Variants in GFRA1 observed in about 807,000 individuals in gnomAD.
GFRA1 encodes the protein GDNF family receptor alpha-1.
Under a neutral mutation model 51.6 loss-of-function variants are expected in GFRA1, and 16 were observed. The ratio of observed to expected loss-of-function variants is 0.31; its 90% confidence interval spans 0.21 to 0.47. The LOEUF is 0.47. Ranked by LOEUF, GFRA1 falls within the 20% of genes least tolerant of loss-of-function variation. The probability of loss-of-function intolerance (pLI) is 1.00; values close to 1 mark genes in which losing one functional copy is unlikely to be tolerated. For synonymous variants in GFRA1, 270 were observed against 241.3 expected (o/e 1.12, Z -1.10); for missense variants, 530 against 594.3 (o/e 0.89, Z 1.13).
intron 2 of GFRA1, 120 bp from the exon 3 acceptor site, chr10:116,271,235 T>C (rs998367770): frequency 4.0e-6 from 3 of 752,246 alleles, no homozygotes; most frequent in Non-Finnish European, 6.3e-6. Flanking sequence ...GGCGCCCTGC[T>C]CTGGGAGCGG....
chr10:116,252,205 A>G (rs925343438), intron 4 of GFRA1, among the ~76,000 whole-genome samples: 1 of 151,964 alleles, frequency 6.6e-6, no homozygotes, highest in Non-Finnish European at 1.5e-5. Context: ...GGAACTCACA[A>G]GTACTCACCT....
At chr10:116,164,585 A>G (rs763972348) in intron 5 of GFRA1, among the ~76,000 whole-genome samples, 10 of 152,196 alleles carry the variant, frequency 6.6e-5, no homozygotes, top group Non-Finnish European at 1.3e-4. Context: ...GAACGTGGGC[A>G]TTTATTTTCG....
intron 9 of GFRA1, among the ~76,000 whole-genome samples, chr10:116,067,626 A>T (rs1312781313): frequency 6.6e-6 from 1 of 152,228 alleles, no homozygotes; most frequent in Non-Finnish European, 1.5e-5. Flanking sequence ...GCTATACTGC[A>T]GGAGTATAAT....
At chr10:116,229,656 T>G (rs1045889115) in intron 4 of GFRA1, among the ~76,000 whole-genome samples, 1 of 152,180 alleles carries the variant, frequency 6.6e-6, no homozygotes, top group Non-Finnish European at 1.5e-5. Context: ...AGGAGGTGGC[T>G]CCCCTGCTAG....
chr10:116,121,525 G>A (rs1012612694), intron 6 of GFRA1, among the ~76,000 whole-genome samples: 2 of 152,186 alleles, frequency 1.3e-5, no homozygotes, highest in African/African-American at 4.8e-5. Context: ...GGCATGAGGC[G>A]GAAGAGAGAC....
intron 4 of GFRA1, among the ~76,000 whole-genome samples, chr10:116,263,515 T>C (rs954532627): frequency 2.0e-5 from 3 of 152,156 alleles, no homozygotes; most frequent in Admixed American, 6.5e-5. Context: ...CCAGAGCATA[T>C]GTTCTTTCTC....
chr10:116,062,028 A>G lies in GFRA1; in HGVS notation c.*2370T>C, dbSNP rs1200469562. On this transcript the variant is annotated 3_prime_UTR_variant, in exon 11 of 11. Transcript: ENST00000355422. The stretch of plus-strand genomic sequence containing the variant: ...TTTTATCACTGAAGAAAAATGAGAT[A>G]TTTGTTGGTGACAGATGAGGCTTTT... The G allele has an allele frequency of 1.0e-5, 4 of 398,484 alleles. No individual in the cohort carries two copies. The highest frequency in any genetic ancestry group is 4.4e-5 in the Admixed American group (1 of 22,716). The allele number at this position is 398,484 out of a possible 1,614,324, so 24.7% of individuals were successfully genotyped here. A position where few individuals can be genotyped will look rare whatever the true frequency, so the allele number is the denominator to read the frequency against.
At chr10:116,141,414 T>C (rs912316425) in intron 5 of GFRA1, among the ~76,000 whole-genome samples, 1 of 152,212 alleles carries the variant, frequency 6.6e-6, no homozygotes, top group Non-Finnish European at 1.5e-5. Flanking sequence ...AGGTCTTAGT[T>C]GCGAGCTTTG....
In GFRA1 at chr10:116,064,563, T is replaced by G; in HGVS notation, c.1252-19A>C. On this transcript the variant is annotated intron_variant, in intron 10 of 10. Transcript: ENST00000355422. ...AATTACCCTGTAAGGAAGAATGGTT[T>G]CATTATCATCCACTGCATGTCTTCA... 1 of 1,605,520 alleles carries G rather than the reference T, an allele frequency of 6.2e-7. No individual in the cohort carries two copies. The highest frequency in any genetic ancestry group is 8.5e-7 in the Non-Finnish European group (1 of 1,172,624).
intron 4 of GFRA1, among the ~76,000 whole-genome samples, chr10:116,231,918 A>G (rs1337011365): frequency 6.6e-6 from 1 of 152,226 alleles, no homozygotes; most frequent in Non-Finnish European, 1.5e-5. Flanking sequence ...ATTGCAGAAG[A>G]ATCTCCTTAA....
intron 5 of GFRA1, among the ~76,000 whole-genome samples, chr10:116,126,355 AGTGCTGTCCACACTGCCTGCTCT>A (rs1404652780): frequency 2.4e-4 from 37 of 152,356 alleles, no homozygotes; most frequent in African/African-American, 8.4e-4. Flanking sequence ...CAGGGAAGCC[AGTGCTGTCCACACTGCCTGCTCT>A]GTGCTGTCCA....
chr10:116,155,622 G>C lies in GFRA1; in HGVS notation c.434-30065C>G, dbSNP rs145612469. On this transcript the variant is annotated intron_variant, in intron 5 of 10. Coordinates refer to ENST00000355422, the MANE Select transcript of GFRA1 (RefSeq NM_005264.8). ...GAGCACATTTTATCCTTAAAGCATG[G>C]TCAGGTTCAGCAAAATATGGTAACA... 1.0e-3 allele frequency among the ~76,000 whole-genome samples: 158 copies of C among 152,124 alleles called. 2 individuals are homozygous for C. Among genetic ancestry groups the C allele is most frequent in the East Asian group, 4.8e-3 (25 of 5,174 alleles).
At chr10:116,084,789 C>T (rs1298995956) in intron 9 of GFRA1, among the ~76,000 whole-genome samples, 1 of 151,628 alleles carries the variant, frequency 6.6e-6, no homozygotes, top group South Asian at 2.1e-4. Context: ...CACACACACA[C>T]ACACACACAC....
intron 9 of GFRA1, among the ~76,000 whole-genome samples, chr10:116,080,518 G>T (rs570597176): frequency 3.3e-5 from 5 of 152,280 alleles, no homozygotes; most frequent in African/African-American, 1.2e-4. Flanking sequence ...AAAAATAAAA[G>T]AAGTTTCACG....
chr10:116,222,987 A>T (rs1966029965), intron 4 of GFRA1, among the ~76,000 whole-genome samples: 1 of 152,248 alleles, frequency 6.6e-6, no homozygotes, highest in Admixed American at 6.5e-5. Context: ...TATTTAAATT[A>T]ACTCTATACA....
At chr10:116,095,596 C>T (rs1179654641) in intron 7 of GFRA1, among the ~76,000 whole-genome samples, 1 of 152,182 alleles carries the variant, frequency 6.6e-6, no homozygotes, top group Non-Finnish European at 1.5e-5. Flanking sequence ...TTACCCACAG[C>T]AGGGCAGGTA....
Position 116,227,171 on chromosome 10 carries a change from A to C in GFRA1, c.419-15526T>G, listed in dbSNP as rs80339289. 7.3e-3 allele frequency among the ~76,000 whole-genome samples: 1,114 copies of C among 152,308 alleles called. 9 individuals are homozygous for C. Among genetic ancestry groups the C allele is most frequent in the African/African-American group, 0.025 (1,052 of 41,558 alleles). ...CTGGCCCAGCTGGAACTTTATAAAGAATCCACAGGTATGTCTGTACCCAAA... is the reference window on the plus strand; with the variant it reads ...CTGGCCCAGCTGGAACTTTATAAAGCATCCACAGGTATGTCTGTACCCAAA... On this transcript the variant is annotated intron_variant, in intron 4 of 10. Transcript: ENST00000355422.
At position 116,059,475 on chromosome 10, in the gene GFRA1, A is replaced by G. The variant is rs1280961254; in HGVS notation, c.*4923T>C. On this transcript the variant is annotated 3_prime_UTR_variant, in exon 11 of 11. Transcript: ENST00000355422. ...CCCATGGCAGTGGGACAAGATGCTG[A>G]TATTGGCACCTGCCAGAGGCAGACA... 1 of 152,252 alleles carries G rather than the reference A, an allele frequency of 6.6e-6. No homozygotes were observed. Among genetic ancestry groups the G allele is most frequent in the Non-Finnish European group, 1.5e-5 (1 of 68,072 alleles). The allele number at this position is 152,252 out of a possible 1,614,324, so 9.4% of individuals were successfully genotyped here.
At chr10:116,245,652 A>G (rs1052938017) in intron 4 of GFRA1, among the ~76,000 whole-genome samples, 3 of 152,268 alleles carry the variant, frequency 2.0e-5, no homozygotes, top group Non-Finnish European at 4.4e-5. Context: ...TTTATTCATA[A>G]TAAAACGGAC....
Sources: allele counts gnomAD v4.1 joint callset (sites outside exome capture counted in the v4.1 genomes callset), GRCh38; gene constraint gnomAD v4.1.1; transcripts MANE v1.5; gene names NCBI Gene and HGNC (gene_info 2026-07-23, HGNC 2026-07-21).